NELL2: variants seen among roughly 807,000 people sequenced by gnomAD.
NELL2 encodes protein kinase C-binding protein NELL2.
A neutral mutation model predicts 109.6 loss-of-function variants in NELL2; 41 were observed. The ratio of observed to expected loss-of-function variants is 0.37; its 90% CI spans 0.29 to 0.49. The LOEUF (loss-of-function observed/expected upper bound fraction) is 0.49, where lower values mean the gene tolerates loss of function less well. Among genes scored for constraint, NELL2 ranks in the 20% least tolerant of loss-of-function variants. NELL2 has a pLI of 0.98. For synonymous variants in NELL2, 355 were observed against 344.7 expected (o/e 1.03, Z -0.33); for missense variants, 900 against 1,008.3 (o/e 0.89, Z 1.45).
At chr12:44,540,511 A>G (rs1331075871) in intron 15 of NELL2, among the ~76,000 whole-genome samples, 1 of 152,128 alleles carries the variant, frequency 6.6e-6, no homozygotes, top group Non-Finnish European at 1.5e-5. Flanking sequence ...AGCTGGAAGT[A>G]GCTGAGTTAA....
intron 15 of NELL2, among the ~76,000 whole-genome samples, chr12:44,544,956 G>T (rs1040604900): frequency 7.9e-5 from 12 of 151,986 alleles, no homozygotes; most frequent in Admixed American, 3.9e-4. Flanking sequence ...AAACTGAGGG[G>T]ACTGGAAAGG....
At chr12:44,723,182 C>T (rs564634859) in intron 9 of NELL2, among the ~76,000 whole-genome samples, 1 of 149,094 alleles carries the variant, frequency 6.7e-6, no homozygotes, top group East Asian at 2.0e-4. Flanking sequence ...CAGAGCAAGA[C>T]TCCGTCTCAA....
chr12:44,846,750 T>C (rs907240384), intron 2 of NELL2, among the ~76,000 whole-genome samples: 7 of 134,616 alleles, frequency 5.2e-5, no homozygotes, highest in Admixed American at 4.3e-4. Context: ...TGGTTTGTTA[T>C]GCAAGTGTAC....
intron 2 of NELL2, among the ~76,000 whole-genome samples, chr12:44,819,464 G>A (rs1192878675): frequency 4.6e-5 from 7 of 152,158 alleles, no homozygotes; most frequent in Admixed American, 3.9e-4. Flanking sequence ...GTGATACTGC[G>A]CTATTAGTGT....
intron 2 of NELL2, among the ~76,000 whole-genome samples, chr12:44,859,893 G>A (rs1367897540): frequency 6.6e-6 from 1 of 152,112 alleles, no homozygotes; most frequent in Admixed American, 6.5e-5. Flanking sequence ...CTTTTCAGAG[G>A]GGTCTTCTAG....
chr12:44,607,213 A>G lies in NELL2; in HGVS notation c.1619T>C (p.Val540Ala), dbSNP rs149969323. 111 of 1,612,906 alleles carry G rather than the reference A, an allele frequency of 6.9e-5. No individual in the cohort carries two copies. Among genetic ancestry groups the G allele is most frequent in the Non-Finnish European group, 7.1e-5 (84 of 1,179,264 alleles). ...AGTGAAGCCTTGTGGGCAGGCACAC[A>G]CATTAGCGGCAATACAGGCTCCTCC... ...RNGGACIAAN[V>A]CACPQGFTGP... is the part of the protein sequence containing the mutation. Residue 540 changes from valine to alanine, a missense_variant, in exon 15 of 20, where the codon GTG becomes GCG. By Grantham distance (64) the Val-to-Ala change is moderately conservative. Around this residue, in one of 4 missense-constraint regions of NELL2, gnomAD observed 333 missense variants for 432.3 expected, o/e 0.77. Coordinates refer to ENST00000429094, the MANE Select transcript of NELL2 (RefSeq NM_001145108.2).
At chr12:44,813,232 C>A (rs1465403633) in intron 3 of NELL2, among the ~76,000 whole-genome samples, 1 of 152,154 alleles carries the variant, frequency 6.6e-6, no homozygotes, top group Non-Finnish European at 1.5e-5. Flanking sequence ...GAACTAATCA[C>A]ATGTAATGCA....
chr12:44,827,598 C>A (rs1039488121), intron 2 of NELL2, among the ~76,000 whole-genome samples: 5 of 151,968 alleles, frequency 3.3e-5, no homozygotes, highest in Non-Finnish European at 7.4e-5. Flanking sequence ...TGCCTGACTT[C>A]TTTCACTTAA....
chr12:44,517,374 TCTCTC>T (rs1159330770), intron 19 of NELL2, among the ~76,000 whole-genome samples: 3 of 1,158 alleles, frequency 2.6e-3, no homozygotes, highest in African/African-American at 4.6e-3. Context: ...AACTACTTTC[TCTCTC>T]TCTCTCTCTC....
chr12:44,685,825 C>T lies in NELL2; in HGVS notation c.1318+17901G>A, dbSNP rs563936256. ...GGCTTCCCTTTGAGGGTAACCCGAC[C>T]TTTCTCTCTGGCTGCCCTTAACATT... On this transcript the variant is annotated intron_variant, in intron 12 of 19. Transcript: ENST00000429094. Among the ~76,000 whole-genome samples the T allele has an allele frequency of 1.4e-4, 21 of 152,226 alleles. No homozygotes were observed. The South Asian group carries it at 3.7e-3, about 27-fold the overall frequency.
intron 15 of NELL2, among the ~76,000 whole-genome samples, chr12:44,587,312 T>A (rs1446527187): frequency 1.7e-3 from 106 of 61,010 alleles, no homozygotes; most frequent in African/African-American, 4.7e-3. Flanking sequence ...TATATATTTT[T>A]TTTTAAATAT....
intron 19 of NELL2, among the ~76,000 whole-genome samples, chr12:44,510,387 TTAAAAC>T (rs1940942461): frequency 6.6e-6 from 1 of 152,346 alleles, no homozygotes; most frequent in African/African-American, 2.4e-5. Context: ...AGAGCTAGGA[TTAAAAC>T]TCAGGCTAGC....
chr12:44,547,015 T>C (rs1271112874), intron 15 of NELL2, among the ~76,000 whole-genome samples: 1 of 152,166 alleles, frequency 6.6e-6, no homozygotes, highest in Non-Finnish European at 1.5e-5. Flanking sequence ...CACAAACCTT[T>C]TTTTTAAAAG....
intron 15 of NELL2, among the ~76,000 whole-genome samples, chr12:44,593,596 T>C (rs561071691): frequency 1.2e-4 from 19 of 152,318 alleles, no homozygotes; most frequent in Admixed American, 6.5e-4. Context: ...TGATTTATAA[T>C]CCTTTGGGTA....
chr12:44,581,373 G>A (rs1396657294), intron 15 of NELL2, among the ~76,000 whole-genome samples: 1 of 151,978 alleles, frequency 6.6e-6, no homozygotes, highest in Non-Finnish European at 1.5e-5. Flanking sequence ...ACTAATGAAG[G>A]GTTATAACTC....
chr12:44,886,491 AAGAT>A (rs765019804), intron 1 of NELL2, among the ~76,000 whole-genome samples: 331 of 152,106 alleles, frequency 2.2e-3, no homozygotes, highest in Non-Finnish European at 3.8e-3. Context: ...TCAATTAAAA[AAGAT>A]AGGCAAAATA....
chr12:44,687,532 C>T (rs1948765821), intron 12 of NELL2, among the ~76,000 whole-genome samples: 1 of 152,114 alleles, frequency 6.6e-6, no homozygotes, highest in African/African-American at 2.4e-5. Context: ...TTTCAGATGT[C>T]TTTGGTGTTC....
At chr12:44,664,829 A>ATGTTTTGTTTTGTTT (rs144528117) in intron 13 of NELL2, among the ~76,000 whole-genome samples, 1 of 151,810 alleles carries the variant, frequency 6.6e-6, no homozygotes, top group African/African-American at 2.4e-5. Context: ...TTCTAGCATC[A>ATGTTTTGTTTTGTTT]TGTTTTGTTT....
At chr12:44,904,371 T>C (rs1252239993) in intron 1 of NELL2, among the ~76,000 whole-genome samples, 1 of 152,170 alleles carries the variant, frequency 6.6e-6, no homozygotes, top group African/African-American at 2.4e-5. Flanking sequence ...AACTAACTTA[T>C]AGCTAAAGGA....
Sources: gnomAD v4.1 joint callset for allele counts (sites outside exome capture counted in the v4.1 genomes callset) on GRCh38, gnomAD v4.1.1 for gene constraint, gnomAD v4.1.1 regional missense constraint, MANE v1.5 for transcripts, NCBI Gene and HGNC (gene_info 2026-07-23, HGNC 2026-07-21) for gene names.